The following ZNF417 variants were observed in gnomAD, a reference collection of about 807,000 sequenced individuals.
ZNF417 encodes zinc finger protein 417.
In ZNF417, 5 loss-of-function variants were observed where a neutral mutation model predicts 7.4. The observed-to-expected ratio is 0.68, with a 90% CI of 0.35 to 1.43. The LOEUF is 1.43. Among genes scored for constraint, ZNF417 ranks in the 40% most tolerant of loss-of-function variants. ZNF417 has a pLI of 0.04. For synonymous variants in ZNF417, 147 were observed against 239.1 expected (o/e 0.61, Z 3.55); for missense variants, 437 against 697.3 (o/e 0.63, Z 4.20).
chr19:57,915,452 C>T (rs558049463), intron 1 of ZNF417: 4 of 468,064 alleles, frequency 8.5e-6, no homozygotes, highest in South Asian at 7.6e-5. Flanking sequence ...ATTGCCTGCG[C>T]CCCTCCCTGT....
Position 57,909,364 on chromosome 19 carries a change from A to C in ZNF417, c.914T>G (p.Phe305Cys). 1 of 1,614,156 alleles carries C rather than the reference A, an allele frequency of 6.2e-7. No homozygotes were observed. The highest frequency in any genetic ancestry group is 1.1e-5 in the South Asian group (1 of 91,088). ...AYPCEECGKS[F>C]SQKGSLISHQ... ...GCTAATAAGGCTGCCCTTCTGACTA[A>C]AAGATTTCCCGCACTCCTCACAGGG... Residue 305 changes from phenylalanine to cysteine, a missense_variant, in exon 3 of 3, where the codon TTT (phenylalanine) becomes TGT (cysteine). Transcript: ENST00000312026.
rs766995791 is a variant in ZNF417 at position 57,916,457 on chromosome 19, C to A, written c.-46G>T. ...GGCCCGGGAGCAGTGGTCGCCGTCA[C>A]GGGGCTGCAGAGCCGCCTCTGGGCA... On this transcript the variant is annotated 5_prime_UTR_variant, in exon 1 of 3. Transcript: ENST00000312026. The A allele has an allele frequency of 6.2e-7, 1 of 1,613,084 alleles. No homozygotes were observed. Among genetic ancestry groups the A allele is most frequent in the East Asian group, 2.2e-5 (1 of 44,876 alleles).
intron 2 of ZNF417, 111 bp downstream of exon 2, chr19:57,911,949 T>C (rs1392245428): frequency 1.8e-5 from 27 of 1,489,888 alleles, no homozygotes; most frequent in East Asian, 9.6e-5. Context: ...TAGAGAAGTG[T>C]AGAAGGAACC....
At chr19:57,913,803 G>GT (rs1428367406) in intron 1 of ZNF417, among the ~76,000 whole-genome samples, 2 of 152,066 alleles carry the variant, frequency 1.3e-5, no homozygotes, top group African/African-American at 2.4e-5. Context: ...ACTCAGGGAC[G>GT]TAAGTAAGAG....
In ZNF417 at chr19:57,906,510, C is replaced by T. The variant is rs981358315; in HGVS notation, c.*2040G>A. Among the ~76,000 whole-genome samples the T allele has an allele frequency of 6.6e-6, 1 of 151,864 alleles. No individual in the cohort carries two copies. Among genetic ancestry groups the T allele is most frequent in the Admixed American group, 6.6e-5 (1 of 15,228 alleles). ...GAGTGCCGTGGCAGATGCCTGTAAT[C>T]CCAGCACTTTAGGAGGCTGAGGGGG... is the stretch of plus-strand genomic sequence containing the variant. On this transcript the variant is annotated 3_prime_UTR_variant, in exon 3 of 3. Coordinates refer to ENST00000312026, the MANE Select transcript of ZNF417 (RefSeq NM_152475.3).
intron 2 of ZNF417, among the ~76,000 whole-genome samples, chr19:57,911,526 G>A (rs1479627468): frequency 1.3e-5 from 2 of 152,202 alleles, no homozygotes; most frequent in Admixed American, 6.5e-5. Context: ...ACCCGACGAT[G>A]TAACTATGAA....
At chr19:57,915,678 T>G in intron 1 of ZNF417, 2 of 394,972 alleles carry the variant, frequency 5.1e-6, no homozygotes, top group East Asian at 3.8e-5. Flanking sequence ...GAAACAAAAT[T>G]GATAATAGCC....
rs1204758674 is a variant in ZNF417, at chr19:57,906,407, A to C, written c.*2143T>G. ...TGTACCTTGCTATTTGTAACTTACA[A>C]TCTTATTCACATTTCTCAAGTGCCA... On this transcript the variant is annotated 3_prime_UTR_variant, in exon 3 of 3. Coordinates refer to ENST00000312026, the MANE Select transcript of ZNF417 (RefSeq NM_152475.3). Among the ~76,000 whole-genome samples, 4 of 151,998 alleles carry C rather than the reference A, an allele frequency of 2.6e-5. No homozygotes were observed. The highest frequency in any genetic ancestry group is 9.7e-5 in the African/African-American group (4 of 41,384).
chr19:57,914,484 A>C (rs944363130), intron 1 of ZNF417, among the ~76,000 whole-genome samples: 5 of 42,388 alleles, frequency 1.2e-4, no homozygotes, highest in East Asian at 1.3e-3. Context: ...GAAACTCCAC[A>C]AAAAAAAAAA....
Position 57,908,806 on chromosome 19 carries a change from G to A in ZNF417, c.1472C>T (p.Pro491Leu), listed in dbSNP as rs753301813. ...TTTCCCACATTCATTGCATTCATAC[G>A]GCCTTTCTCCAGTGTGAATCCTCTG... ...IHQRIHTGER[P>L]YECNECGKSF... The change falls in exon 3 of 3, where the codon CCG becomes CTG. Residue 491 changes from proline (P) to leucine (L), a missense_variant. By Grantham distance (98) the Pro-to-Leu change is moderately conservative (BLOSUM62 -3). Coordinates refer to ENST00000312026, the MANE Select transcript of ZNF417 (RefSeq NM_152475.3). The A allele has an allele frequency of 5.6e-6, 9 of 1,613,708 alleles. No individual in the cohort carries two copies. Among genetic ancestry groups the A allele is most frequent in the African/African-American group, 2.7e-5 (2 of 74,990 alleles).
Position 57,910,055 on chromosome 19 carries a change from TTTGTA to T in ZNF417, c.218_222del (p.Val73GlufsTer9). The T allele has an allele frequency of 6.5e-7, 1 of 1,544,624 alleles. No homozygotes were observed. On this transcript the variant is annotated frameshift_variant, in exon 3 of 3. Transcript: ENST00000312026. LOFTEE classifies it low-confidence loss of function (END_TRUNC). The stretch of plus-strand genomic sequence containing the variant: ...CTAGGAGTCCTGCTCTGAGACTCTC[TTTGTA>T]CAGAAATTCTCTGCTTACAAGGTGC...
rs1487927879 is a variant in ZNF417 at position 57,908,819 on chromosome 19, T to C, written c.1459A>G (p.Thr487Ala). 6.2e-7 allele frequency: 1 copy of C among 1,613,774 alleles called. No individual in the cohort carries two copies. ...TTGCATTCATACGGCCTTTCTCCAG[T>C]GTGAATCCTCTGATGTATAGTCACG... ...NCVTIHQRIH[T>A]GERPYECNEC... The change falls in exon 3 of 3, where the codon ACT becomes GCT. Residue 487 changes from threonine (T) to alanine (A), a missense_variant. Thr to Ala is a moderately conservative substitution (Grantham distance 58). Around this residue, in one of 5 missense-constraint regions of ZNF417, gnomAD observed 233 missense variants for 235.5 expected, o/e 0.99. Coordinates refer to ENST00000312026, the MANE Select transcript of ZNF417 (RefSeq NM_152475.3).
chr19:57,911,650 A>AG (rs546605853), intron 2 of ZNF417, among the ~76,000 whole-genome samples: 29 of 152,302 alleles, frequency 1.9e-4, no homozygotes, highest in African/African-American at 6.0e-4. Context: ...GGGTCTTGCA[A>AG]GAAGAGTCTA....
Position 57,909,283 on chromosome 19 carries a change from G to C in ZNF417, c.995C>G (p.Ser332Cys). The C allele has an allele frequency of 6.2e-7, 1 of 1,614,022 alleles. No individual in the cohort carries two copies. Among genetic ancestry groups the C allele is most frequent in the Non-Finnish European group, 8.5e-7 (1 of 1,179,962 alleles). Reference sequence around the variant, plus strand: ...AATGAGGTTACCCTTTTGACCAAAAGATTTCCCATATTCTCTACACTCATA... The same window carrying C: ...AATGAGGTTACCCTTTTGACCAAAACATTTCCCATATTCTCTACACTCATA... Reference protein sequence around the residue: ...RPYECREYGKSFGQKGNLIQH... With the variant: ...RPYECREYGKCFGQKGNLIQH... Residue 332 changes from serine (S) to cysteine (C), a missense_variant, in exon 3 of 3, where the codon TCT becomes TGT. By Grantham distance (112) the Ser-to-Cys change is moderately radical. This residue lies in a region of ZNF417 where 53 missense variants were observed against 91.9 expected (regional missense o/e 0.58). Transcript: ENST00000312026.
intron 1 of ZNF417, among the ~76,000 whole-genome samples, chr19:57,913,221 G>C (rs1338504669): frequency 6.6e-6 from 1 of 152,084 alleles, no homozygotes; most frequent in East Asian, 1.9e-4. Context: ...CCAAAATGTG[G>C]ATAAGCATCC....
In ZNF417 at chr19:57,908,769, G is replaced by T; in HGVS notation, c.1509C>A (p.Ser503=). The T allele has an allele frequency of 6.2e-7, 1 of 1,613,032 alleles. No homozygotes were observed. The change falls in exon 3 of 3, where the codon TCC becomes TCA. Residue 503 remains serine (S), a synonymous_variant. Coordinates refer to ENST00000312026, the MANE Select transcript of ZNF417 (RefSeq NM_152475.3). ...TTTTATGAACATGAAGCGCAGAGCT[G>T]GAAAGAAATGATTTCCCACATTCAT... is the stretch of plus-strand genomic sequence containing the variant. ...ECNECGKSFL[S]SSALHVHKRV... is the part of the protein sequence containing the mutation.
intron 1 of ZNF417, chr19:57,915,490 C>T (rs959011185): frequency 2.2e-5 from 11 of 499,178 alleles, no homozygotes; most frequent in East Asian, 5.6e-5. Flanking sequence ...CCGCATCCCA[C>T]GGGTGTCAGA....
chr19:57,915,139 G>T (rs957375399), intron 1 of ZNF417, among the ~76,000 whole-genome samples: 2 of 152,142 alleles, frequency 1.3e-5, no homozygotes, highest in Non-Finnish European at 2.9e-5. Context: ...CTGGTTGTCT[G>T]ACCTGCTTGT....
chr19:57,914,831 T>C (rs1476563074), intron 1 of ZNF417, among the ~76,000 whole-genome samples: 1 of 152,242 alleles, frequency 6.6e-6, no homozygotes, highest in East Asian at 1.9e-4. Flanking sequence ...CATACTTGCA[T>C]ATAACCTGCC....
Sources: allele counts gnomAD v4.1 joint callset (sites outside exome capture counted in the v4.1 genomes callset), GRCh38; gene constraint gnomAD v4.1.1; regional missense constraint gnomAD v4.1.1; transcripts MANE v1.5; gene names NCBI Gene and HGNC (gene_info 2026-07-23, HGNC 2026-07-21).